Variants in CELF2 observed in about 807,000 individuals in gnomAD.
CELF2 encodes the protein CUG triplet repeat RNA-binding protein 2.
Under a neutral mutation model 62.6 loss-of-function variants are expected in CELF2, and 8 were observed. The observed-to-expected ratio is 0.13, with a 90% CI of 0.07 to 0.23. The LOEUF is 0.23. Ranked by LOEUF, CELF2 falls within the 10% of genes least tolerant of loss-of-function variation. CELF2 has a pLI of 1.00. For synonymous variants in CELF2, 258 were observed against 250.0 expected, an observed-to-expected ratio of 1.03 and a Z score of -0.30; for missense variants, 333 against 671.0, an observed-to-expected ratio of 0.50 and a Z score of 5.56.
the CELF2 span, among the ~76,000 whole-genome samples, chr10:10,738,594 A>G: frequency 6.6e-6 from 1 of 152,212 alleles, no homozygotes; most frequent in Admixed American, 6.5e-5. Context: ...TAAAAGTTGT[A>G]TATATTTAAG....
chr10:11,028,977 G>T (rs921377941), intron 1 of CELF2, among the ~76,000 whole-genome samples: 1 of 152,202 alleles, frequency 6.6e-6, no homozygotes, highest in East Asian at 1.9e-4. Context: ...GCCTTCCAAA[G>T]TTCTGGGATT....
At chr10:10,661,400 A>G in the CELF2 span, among the ~76,000 whole-genome samples, 1 of 152,358 alleles carries the variant, frequency 6.6e-6, no homozygotes, top group East Asian at 1.9e-4. Flanking sequence ...GTTTATGTTT[A>G]CATTCTTCTG....
chr10:10,470,108 T>G, the CELF2 span, among the ~76,000 whole-genome samples: 1 of 151,818 alleles, frequency 6.6e-6, no homozygotes, highest in Non-Finnish European at 1.5e-5. Context: ...CCAAAATCTT[T>G]TAGAAATCAA....
rs961344843 is a variant in CELF2, at chr10:10,875,552, C to T, written c.54-44412C>T. ...ATCATTCACTGTGATGGGCTAAACT[C>T]GCTTTGTTTACTGTAGCGTAGGAGG... On this transcript the variant is annotated intron_variant, in intron 1 of 13. Coordinates refer to the CELF2 transcript ENST00000636488. 5.3e-5 allele frequency among the ~76,000 whole-genome samples: 8 copies of T among 152,180 alleles called. No homozygotes were observed. In the South Asian group the frequency reaches 1.7e-3, roughly 31 times the overall value.
At chr10:10,745,539 G>T in the CELF2 span, among the ~76,000 whole-genome samples, 1 of 152,152 alleles carries the variant, frequency 6.6e-6, no homozygotes, top group East Asian at 1.9e-4. Flanking sequence ...CTGGGGCTTC[G>T]AGTTGTGTGT....
At chr10:10,492,955 G>A in the CELF2 span, among the ~76,000 whole-genome samples, 9 of 152,120 alleles carry the variant, frequency 5.9e-5, no homozygotes, top group Non-Finnish European at 1.0e-4. Flanking sequence ...GTAGTAAGAC[G>A]TGCCTTTCAC....
Position 11,223,642 on chromosome 10 carries a change from G to A in CELF2, c.354+6135G>A, listed in dbSNP as rs75054896. Among the ~76,000 whole-genome samples the A allele has an allele frequency of 5.2e-3, 791 of 152,336 alleles. 4 individuals carry two copies. The highest frequency in any genetic ancestry group is 0.018 in the African/African-American group (761 of 41,570). On this transcript the variant is annotated intron_variant, in intron 3 of 12. Transcript: ENST00000633077. This position sits in a 1 kb window ranked among gnomAD's most constrained non-coding sequence, Gnocchi z 5.1. ...GAGAGTAGCAGGGGGAGCTCCGGAG[G>A]AGTCCTTGAGGGTGCAGAAGCTCCC... is the stretch of plus-strand genomic sequence containing the variant.
At chr10:11,248,775 TGAG>T (rs2076328989) in intron 3 of CELF2, among the ~76,000 whole-genome samples, 1 of 152,244 alleles carries the variant, frequency 6.6e-6, no homozygotes, top group South Asian at 2.1e-4. Context: ...ATCTCACAGA[TGAG>T]GAGACCAAAG....
chr10:11,228,427 C>T (rs1291608962), intron 3 of CELF2, among the ~76,000 whole-genome samples: 1 of 152,156 alleles, frequency 6.6e-6, no homozygotes, highest in East Asian at 1.9e-4. Context: ...AAAGTGGCTA[C>T]ACCTCTTAGA....
chr10:10,623,993 A>G, the CELF2 span, among the ~76,000 whole-genome samples: 146 of 152,244 alleles, frequency 9.6e-4, no homozygotes, highest in Non-Finnish European at 1.5e-3. Flanking sequence ...TGATAAGACT[A>G]TGATAAAACT....
intron 1 of CELF2, among the ~76,000 whole-genome samples, chr10:11,029,823 A>C (rs1390371056): frequency 6.6e-6 from 1 of 152,254 alleles, no homozygotes; most frequent in Non-Finnish European, 1.5e-5. Context: ...AATGTCCAAG[A>C]AGTCTGATTA....
chr10:10,729,202 C>T, the CELF2 span, among the ~76,000 whole-genome samples: 2 of 152,188 alleles, frequency 1.3e-5, no homozygotes, highest in Non-Finnish European at 1.5e-5. Context: ...GAGGAAGATT[C>T]GGTCTTTTGA....
chr10:10,794,275 A>G (rs1033045084), upstream of CELF2, among the ~76,000 whole-genome samples: 2 of 152,160 alleles, frequency 1.3e-5, no homozygotes, highest in African/African-American at 4.8e-5. Context: ...TGAATTTCCA[A>G]TTAGTCATTT....
At chr10:11,313,281 C>G (rs2094687042) in intron 9 of CELF2, among the ~76,000 whole-genome samples, 1 of 152,180 alleles carries the variant, frequency 6.6e-6, no homozygotes, top group East Asian at 1.9e-4. Context: ...AATATACCTT[C>G]AAGATACATT....
In CELF2 at chr10:11,227,416, G is replaced by A. The variant is rs368664538; in HGVS notation, c.354+9909G>A. Among the ~76,000 whole-genome samples, 6 of 152,308 alleles carry A rather than the reference G, an allele frequency of 3.9e-5. No individual in the cohort carries two copies. Among genetic ancestry groups the A allele is most frequent in the South Asian group, 2.1e-4 (1 of 4,818 alleles). Reference sequence around the variant, plus strand: ...GATGAACACGGCCCCATGAGACAGCGCTGCTGCTCTCCGCATCACAGCAAA... The same window carrying A: ...GATGAACACGGCCCCATGAGACAGCACTGCTGCTCTCCGCATCACAGCAAA... On this transcript the variant is annotated intron_variant, in intron 3 of 12. Transcript: ENST00000633077. The surrounding 1 kb of genome is among the most constrained non-coding windows in gnomAD (Gnocchi z 4.8).
intron 3 of CELF2, among the ~76,000 whole-genome samples, chr10:11,228,724 A>C (rs1238181534): frequency 1.7e-4 from 1 of 5,828 alleles, no homozygotes; most frequent in Non-Finnish European, 1.0e-3. Flanking sequence ...CTCGCAAAAA[A>C]AAAAAAAAAA....
At chr10:10,543,887 G>A in the CELF2 span, among the ~76,000 whole-genome samples, 1 of 152,138 alleles carries the variant, frequency 6.6e-6, no homozygotes, top group African/African-American at 2.4e-5. Flanking sequence ...CAAATTCAGC[G>A]CTAAGCATGC....
At chr10:11,200,263 A>G (rs2058921894) in intron 2 of CELF2, among the ~76,000 whole-genome samples, 1 of 152,200 alleles carries the variant, frequency 6.6e-6, no homozygotes, top group Non-Finnish European at 1.5e-5. Context: ...ATAGGTAGGT[A>G]TCTCACATTC....
At chr10:11,077,471 A>G (rs2072388126) in intron 1 of CELF2, among the ~76,000 whole-genome samples, 2 of 152,220 alleles carry the variant, frequency 1.3e-5, no homozygotes, top group Non-Finnish European at 2.9e-5. Context: ...CGTGATCAAA[A>G]TACCAGAAGT....
Sources: gnomAD v4.1 joint callset for allele counts (sites outside exome capture counted in the v4.1 genomes callset) on GRCh38, gnomAD v4.1.1 for gene constraint, Gnocchi (gnomAD v3.1) non-coding constraint, MANE v1.5 for transcripts, NCBI Gene and HGNC (gene_info 2026-07-23, HGNC 2026-07-21) for gene names.